The following CALCR variants were observed in gnomAD, a reference collection of about 807,000 sequenced individuals.
The protein encoded by CALCR is calcitonin receptor.
Under a neutral mutation model 59.5 loss-of-function variants are expected in CALCR, and 47 were observed. The observed-to-expected ratio is 0.79, with a 90% CI of 0.63 to 1.01. CALCR has a LOEUF of 1.01. Among genes scored for constraint, CALCR ranks in the 50% least tolerant of loss-of-function variants. The pLI, the probability that CALCR is intolerant of heterozygous loss-of-function variation, is 0.00. For missense variants in CALCR, 566 were observed against 597.1 expected (o/e 0.95, Z 0.54); for synonymous variants, 213 against 211.3 (o/e 1.01, Z -0.07).
intron 2 of CALCR, among the ~76,000 whole-genome samples, chr7:93,507,370 G>A (rs1242233481): frequency 2.6e-5 from 4 of 152,076 alleles, no homozygotes; most frequent in Non-Finnish European, 5.9e-5. Context: ...TTTAGGAGCA[G>A]TACTTCAAAG....
intron 2 of CALCR, among the ~76,000 whole-genome samples, chr7:93,503,122 T>C (rs1277499848): frequency 6.6e-6 from 1 of 152,186 alleles, no homozygotes; most frequent in South Asian, 2.1e-4. Context: ...ATTTTTTCTT[T>C]TCCTCAAGTT....
Position 93,426,361 on chromosome 7 carries a change from C to T in CALCR, c.1420G>A (p.Ala474Thr). ...PLNIIEQESS[A>T] ...ATGCTGTGTTTGCTTCACATTCAAG[C>T]AGATGACTCTTGCTCTATGATATTC... is the stretch of plus-strand genomic sequence containing the variant. Residue 474 changes from alanine to threonine, a missense_variant, in exon 14 of 14, where the codon GCT becomes ACT. Physicochemically the swap from Ala to Thr is moderately conservative, Grantham distance 58. Coordinates refer to ENST00000426151, the MANE Select transcript of CALCR (RefSeq NM_001742.4). 6.4e-7 allele frequency: 1 copy of T among 1,571,200 alleles called. No homozygotes were observed. The highest frequency in any genetic ancestry group is 8.8e-7 in the Non-Finnish European group (1 of 1,141,306).
rs571173438 is a variant in CALCR, at chr7:93,485,812, A to G, written c.51+1119T>C. ...TATCTAAAGAAATATTTAATAGGAT[A>G]AAATGATAAGACAAACTGACAATAA... On this transcript the variant is annotated intron_variant, in intron 3 of 13. Transcript: ENST00000426151. Among the ~76,000 whole-genome samples, 3 of 151,718 alleles carry G rather than the reference A, an allele frequency of 2.0e-5. No individual in the cohort carries two copies. In the East Asian group the frequency reaches 5.9e-4, roughly 30 times the overall value.
At chr7:93,492,729 G>A (rs567825454) in intron 2 of CALCR, among the ~76,000 whole-genome samples, 48 of 151,378 alleles carry the variant, frequency 3.2e-4, no homozygotes, top group South Asian at 3.1e-3. Context: ...TGCAGACTGG[G>A]TGAAAGGTTC....
intron 2 of CALCR, among the ~76,000 whole-genome samples, chr7:93,553,039 C>T (rs141007788): frequency 6.6e-6 from 1 of 152,276 alleles, no homozygotes; most frequent in Non-Finnish European, 1.5e-5. Context: ...GGACACCTGA[C>T]CTCACACCTT....
chr7:93,513,808 T>C (rs1801597773), intron 2 of CALCR, among the ~76,000 whole-genome samples: 1 of 151,432 alleles, frequency 6.6e-6, no homozygotes, highest in South Asian at 2.1e-4. Context: ...TAAATAAATA[T>C]GTAGATATTT....
At position 93,508,380 on chromosome 7, in the gene CALCR, C is replaced by T. The variant is rs545013339; in HGVS notation, c.-26-21373G>A. 1.4e-3 allele frequency among the ~76,000 whole-genome samples: 213 copies of T among 152,246 alleles called. 1 individual carries two copies. The highest frequency in any genetic ancestry group is 4.8e-3 in the African/African-American group (200 of 41,556). On this transcript the variant is annotated intron_variant, in intron 2 of 13. Transcript: ENST00000426151. Reference sequence around the variant, plus strand: ...GGCTATCAGAGAGCATGTGGACTCACAAAGGAGGGTGGAACATTATTTTTT... The same window carrying T: ...GGCTATCAGAGAGCATGTGGACTCATAAAGGAGGGTGGAACATTATTTTTT...
chr7:93,507,751 CAAAA>C, intron 2 of CALCR, among the ~76,000 whole-genome samples: 1 of 52,046 alleles, frequency 1.9e-5, no homozygotes, highest in South Asian at 6.4e-4. Flanking sequence ...ACTAAAAATA[CAAAA>C]AAAAAAAAAA....
intron 2 of CALCR, among the ~76,000 whole-genome samples, chr7:93,558,211 T>C (rs561219686): frequency 1.3e-5 from 2 of 151,390 alleles, no homozygotes; most frequent in African/African-American, 2.4e-5. Context: ...AACAAAAATA[T>C]AAATATCCTT....
intron 7 of CALCR, chr7:93,461,989 A>G (rs1203524886): frequency 1.2e-6 from 1 of 860,432 alleles, no homozygotes; most frequent in African/African-American, 1.7e-5. Flanking sequence ...CATGGAATAA[A>G]GTTAGAAATG....
At chr7:93,478,900 G>A (rs981731029) in intron 4 of CALCR, among the ~76,000 whole-genome samples, 1 of 151,804 alleles carries the variant, frequency 6.6e-6, no homozygotes, top group Admixed American at 6.6e-5. Context: ...CTCCTGGAAA[G>A]TGGGGCCAGA....
chr7:93,437,195 T>G (rs191786470), intron 11 of CALCR, among the ~76,000 whole-genome samples: 18 of 152,252 alleles, frequency 1.2e-4, no homozygotes, highest in East Asian at 3.9e-4. Context: ...TGCATTTCCT[T>G]AAAAATTTCT....
At chr7:93,438,465 C>T (rs1230336025) in intron 9 of CALCR, among the ~76,000 whole-genome samples, 195 bp from the exon 10 acceptor site, 1 of 152,204 alleles carries the variant, frequency 6.6e-6, no homozygotes, top group African/African-American at 2.4e-5. Flanking sequence ...ACATCATGTG[C>T]TTCCTGAGAG....
intron 8 of CALCR, among the ~76,000 whole-genome samples, chr7:93,457,207 G>A (rs1035229599): frequency 6.6e-6 from 1 of 152,138 alleles, no homozygotes; most frequent in Admixed American, 6.6e-5. Flanking sequence ...TTAGTCATAA[G>A]GTGAGAGTTG....
intron 2 of CALCR, among the ~76,000 whole-genome samples, chr7:93,564,478 G>A (rs1008966500): frequency 3.3e-5 from 5 of 152,020 alleles, no homozygotes; most frequent in African/African-American, 1.2e-4. Flanking sequence ...AAAAAATGGA[G>A]TTTTGCTCTT....
intron 8 of CALCR, among the ~76,000 whole-genome samples, chr7:93,458,852 A>AACATAGTTCTG (rs1277769893): frequency 6.6e-6 from 1 of 152,180 alleles, no homozygotes; most frequent in Non-Finnish European, 1.5e-5. Flanking sequence ...GGATTCACCA[A>AACATAGTTCTG]TTTTGCAGAA....
intron 2 of CALCR, among the ~76,000 whole-genome samples, chr7:93,531,987 A>G (rs1470723663): frequency 2.7e-5 from 4 of 147,166 alleles, no homozygotes; most frequent in Non-Finnish European, 5.9e-5. Context: ...TCAAAGTTAA[A>G]ATGTAATTCT....
chr7:93,507,751 C>CAAA (rs562704303), intron 2 of CALCR, among the ~76,000 whole-genome samples: 10 of 52,042 alleles, frequency 1.9e-4, no homozygotes, highest in African/African-American at 2.9e-4. Flanking sequence ...ACTAAAAATA[C>CAAA]AAAAAAAAAA....
At chr7:93,442,416 G>C (rs939532980) in intron 9 of CALCR, among the ~76,000 whole-genome samples, 2 of 152,084 alleles carry the variant, frequency 1.3e-5, no homozygotes, top group South Asian at 4.1e-4. Flanking sequence ...ATGTACCCCT[G>C]TTATGTAAGG....
Sources: gnomAD v4.1 joint callset for allele counts (sites outside exome capture counted in the v4.1 genomes callset) on GRCh38, gnomAD v4.1.1 for gene constraint, MANE v1.5 for transcripts, NCBI Gene and HGNC (gene_info 2026-07-23, HGNC 2026-07-21) for gene names.